The following ITPR2 variants were observed in gnomAD, a reference collection of about 807,000 sequenced individuals.
The protein encoded by ITPR2 is inositol 1,4,5-trisphosphate-gated calcium channel ITPR2.
Under a neutral mutation model 317.1 loss-of-function variants are expected in ITPR2, and 207 were observed. The observed-to-expected ratio is 0.65, with a 90% CI of 0.58 to 0.73. The LOEUF is 0.73. Ranked by LOEUF, ITPR2 falls within the 30% of genes least tolerant of loss-of-function variation. The pLI, the probability that ITPR2 is intolerant of heterozygous loss-of-function variation, is 0.00. For missense variants in ITPR2, 2,613 were observed against 3,284.0 expected, an observed-to-expected ratio of 0.80 and a Z score of 4.99; for synonymous variants, 1,156 against 1,149.1, an observed-to-expected ratio of 1.01 and a Z score of -0.12.
intron 1 of ITPR2, among the ~76,000 whole-genome samples, chr12:26,825,352 T>C (rs1448074905): frequency 6.6e-6 from 1 of 152,178 alleles, no homozygotes; most frequent in Non-Finnish European, 1.5e-5. Flanking sequence ...ACCATAAAAT[T>C]CACTGTTATT....
intron 26 of ITPR2, among the ~76,000 whole-genome samples, chr12:26,607,737 C>A (rs893871580): frequency 1.3e-5 from 2 of 152,138 alleles, no homozygotes; most frequent in African/African-American, 2.4e-5. Context: ...ACATACATAT[C>A]CATAACCGTA....
At chr12:26,691,252 T>C (rs73290462) in intron 10 of ITPR2, among the ~76,000 whole-genome samples, 2 of 152,244 alleles carry the variant, frequency 1.3e-5, no homozygotes, top group African/African-American at 4.8e-5. Context: ...TATATCTTTA[T>C]AACATGAAGA....
intron 34 of ITPR2, among the ~76,000 whole-genome samples, chr12:26,564,289 T>C (rs1195104395): frequency 6.6e-6 from 1 of 152,052 alleles, no homozygotes; most frequent in African/African-American, 2.4e-5. Flanking sequence ...CAGAAAGAAA[T>C]AGCAGATACA....
At chr12:26,414,841 T>G (rs1229599956) in intron 51 of ITPR2, among the ~76,000 whole-genome samples, 1 of 152,150 alleles carries the variant, frequency 6.6e-6, no homozygotes, top group Non-Finnish European at 1.5e-5. Flanking sequence ...GCAAATTTCT[T>G]ATGATCTGGT....
At chr12:26,484,100 T>C (rs113711495) in intron 41 of ITPR2, among the ~76,000 whole-genome samples, 29 of 151,690 alleles carry the variant, frequency 1.9e-4, no homozygotes, top group African/African-American at 5.8e-4. Flanking sequence ...CACACACACA[T>C]ATATATGTAT....
At chr12:26,711,450 T>C (rs931328495) in intron 8 of ITPR2, among the ~76,000 whole-genome samples, 182 bp from the exon 9 acceptor site, 6 of 152,238 alleles carry the variant, frequency 3.9e-5, no homozygotes, top group Admixed American at 6.5e-5. Flanking sequence ...AGAAATGTTA[T>C]AACAGTTGTT....
chr12:26,430,392 T>C (rs1173035245), intron 48 of ITPR2, among the ~76,000 whole-genome samples: 1 of 152,178 alleles, frequency 6.6e-6, no homozygotes, highest in African/African-American at 2.4e-5. Context: ...GCCTCCCGAG[T>C]AGCTGTCAGT....
At chr12:26,716,942 GT>G (rs374850595) in intron 5 of ITPR2, among the ~76,000 whole-genome samples, 24 of 152,224 alleles carry the variant, frequency 1.6e-4, no homozygotes, top group African/African-American at 5.1e-4. Flanking sequence ...ATTTTTTAAT[GT>G]ATGTTATTGT....
chr12:26,621,440 TA>T (rs1946492280), intron 25 of ITPR2, 144 bp from the exon 26 acceptor site: 2 of 439,552 alleles, frequency 4.6e-6, no homozygotes, highest in African/African-American at 4.1e-5. Flanking sequence ...ATAATTTTTT[TA>T]AGTGAGCCCT....
chr12:26,500,916 G>T (rs998965135), intron 37 of ITPR2, among the ~76,000 whole-genome samples: 3 of 152,166 alleles, frequency 2.0e-5, no homozygotes, highest in African/African-American at 4.8e-5. Context: ...TGATATTTGA[G>T]GTATAGCTAC....
chr12:26,343,286 G>C (rs942577287), intron 55 of ITPR2, among the ~76,000 whole-genome samples: 1 of 152,170 alleles, frequency 6.6e-6, no homozygotes. Context: ...GGAGATTGTG[G>C]ACAGAAAATA....
At chr12:26,798,305 C>G (rs1185871890) in intron 1 of ITPR2, among the ~76,000 whole-genome samples, 1 of 152,184 alleles carries the variant, frequency 6.6e-6, no homozygotes, top group Admixed American at 6.5e-5. Context: ...AATGGGGCAG[C>G]TGTGTTCCCA....
intron 2 of ITPR2, among the ~76,000 whole-genome samples, chr12:26,733,023 T>C (rs1949051348): frequency 6.6e-6 from 1 of 152,116 alleles, no homozygotes; most frequent in South Asian, 2.1e-4. Flanking sequence ...ATTTAGCAAA[T>C]ACAGATGGTA....
chr12:26,415,302 C>T lies in ITPR2; in HGVS notation c.7306+1G>A. Reference sequence around the variant, plus strand: ...ACCTCATTTAGTGGTAATAGCAATACCTGTAACAGGAGTTCGGTTTTTCAG... The same window carrying T: ...ACCTCATTTAGTGGTAATAGCAATATCTGTAACAGGAGTTCGGTTTTTCAG... On this transcript the variant is annotated splice_donor_variant, in intron 51 of 56. Coordinates refer to ENST00000381340, the MANE Select transcript of ITPR2 (RefSeq NM_002223.4). LOFTEE classifies it high-confidence loss of function. 6.3e-7 allele frequency: 1 copy of T among 1,593,416 alleles called. No individual in the cohort carries two copies. The highest frequency in any genetic ancestry group is 2.3e-5 in the East Asian group (1 of 44,342).
intron 1 of ITPR2, among the ~76,000 whole-genome samples, chr12:26,793,541 C>T (rs1303107350): frequency 6.6e-6 from 1 of 152,112 alleles, no homozygotes; most frequent in Non-Finnish European, 1.5e-5. Flanking sequence ...TGTATCACAG[C>T]CCAGTATAAT....
chr12:26,512,835 T>C (rs2136918974), intron 37 of ITPR2, among the ~76,000 whole-genome samples: 1 of 151,688 alleles, frequency 6.6e-6, no homozygotes, highest in Non-Finnish European at 1.5e-5. Context: ...TTTTTTTTTT[T>C]TTTTTGAGAC....
chr12:26,766,946 C>A (rs889127746), intron 2 of ITPR2, among the ~76,000 whole-genome samples: 6 of 152,156 alleles, frequency 3.9e-5, no homozygotes, highest in African/African-American at 1.4e-4. Flanking sequence ...TGTATATATG[C>A]AGGTGCATGT....
At chr12:26,718,601 A>G (rs1028922814) in intron 5 of ITPR2, among the ~76,000 whole-genome samples, 4 of 150,072 alleles carry the variant, frequency 2.7e-5, no homozygotes, top group South Asian at 4.2e-4. Flanking sequence ...GTGTGTGTGT[A>G]TATATATATA....
chr12:26,367,647 A>C (rs1211750208), intron 55 of ITPR2, among the ~76,000 whole-genome samples: 2 of 152,242 alleles, frequency 1.3e-5, no homozygotes, highest in East Asian at 3.8e-4. Context: ...AGCCAAACTA[A>C]TACACAAACT....
Sources: gnomAD v4.1 joint callset for allele counts (sites outside exome capture counted in the v4.1 genomes callset) on GRCh38, gnomAD v4.1.1 for gene constraint, MANE v1.5 for transcripts, NCBI Gene and HGNC (gene_info 2026-07-23, HGNC 2026-07-21) for gene names.